The following CELF1 variants were observed in gnomAD, a reference collection of about 807,000 sequenced individuals.
CELF1 encodes CUGBP Elav-like family member 1.
Under a neutral mutation model 61.8 loss-of-function variants are expected in CELF1, and 10 were observed. The observed-to-expected ratio is 0.16, with a 90% CI of 0.10 to 0.27. CELF1 has a LOEUF of 0.27. Among genes scored for constraint, CELF1 ranks in the 10% least tolerant of loss-of-function variants. The pLI is 1.00. For synonymous variants in CELF1, 236 were observed against 225.1 expected (o/e 1.05, Z -0.43); for missense variants, 380 against 639.1 (o/e 0.59, Z 4.37).
chr11:47,564,171 C>CAAAAAAAAAAAAAAAA (rs779009192), intron 2 of CELF1, among the ~76,000 whole-genome samples: 1 of 62,944 alleles, frequency 1.6e-5, no homozygotes, highest in Admixed American at 2.0e-4. Context: ...ACTAAAAATA[C>CAAAAAAAAAAAAAAAA]AAAAAAAAAA....
intron 1 of CELF1, among the ~76,000 whole-genome samples, chr11:47,551,776 G>C (rs1049339973): frequency 1.3e-5 from 2 of 152,218 alleles, no homozygotes; most frequent in African/African-American, 4.8e-5. Context: ...CACTCTGGGA[G>C]GTCGAGGCGG....
At chr11:47,554,164 A>G (rs2097195329), upstream of CELF1, among the ~76,000 whole-genome samples, 1 of 152,236 alleles carries the variant, frequency 6.6e-6, no homozygotes, top group East Asian at 1.9e-4. Context: ...CAGAAGCCTC[A>G]AGGGTTTTCC....
At chr11:47,549,841 G>C (rs2097092415) in intron 1 of CELF1, among the ~76,000 whole-genome samples, 1 of 149,026 alleles carries the variant, frequency 6.7e-6, no homozygotes, top group Non-Finnish European at 1.5e-5. Flanking sequence ...TTCTGAGACA[G>C]AGTCTTGCCT....
chr11:47,490,930 C>T (rs1262656005), intron 3 of CELF1, among the ~76,000 whole-genome samples: 6 of 150,960 alleles, frequency 4.0e-5, no homozygotes, highest in Admixed American at 1.3e-4. Context: ...GGTGCCATCT[C>T]GGCTCACTGC....
intron 1 of CELF1, among the ~76,000 whole-genome samples, chr11:47,533,898 T>C (rs918592460): frequency 1.3e-5 from 2 of 151,772 alleles, no homozygotes; most frequent in Admixed American, 6.6e-5. Flanking sequence ...ACTCTTAGTT[T>C]TTCCCCTCCC....
intron 1 of CELF1, among the ~76,000 whole-genome samples, chr11:47,548,637 G>A (rs1462610603): frequency 6.6e-6 from 1 of 152,102 alleles, no homozygotes; most frequent in Non-Finnish European, 1.5e-5. Flanking sequence ...AGGTCGAGGC[G>A]GGCGGATCAC....
intron 1 of CELF1, among the ~76,000 whole-genome samples, chr11:47,535,802 GC>G (rs2096615660): frequency 6.6e-6 from 1 of 150,534 alleles, no homozygotes; most frequent in African/African-American, 2.5e-5. Context: ...TTGCTCTGTC[GC>G]CCAGGCTGAA....
chr11:47,497,721 C>T (rs1445470128), intron 3 of CELF1, among the ~76,000 whole-genome samples: 1 of 152,166 alleles, frequency 6.6e-6, no homozygotes, highest in Admixed American at 6.5e-5. Flanking sequence ...ACATGCTGGA[C>T]ACTTGTTTCT....
At chr11:47,493,646 T>C (rs2092416256) in intron 3 of CELF1, among the ~76,000 whole-genome samples, 1 of 152,024 alleles carries the variant, frequency 6.6e-6, no homozygotes, top group African/African-American at 2.4e-5. Flanking sequence ...TTGTTCAGTC[T>C]AGTAATAATA....
chr11:47,561,370 G>A (rs1397261611), intron 2 of CELF1, among the ~76,000 whole-genome samples: 4 of 145,770 alleles, frequency 2.7e-5, no homozygotes, highest in Non-Finnish European at 4.5e-5. Context: ...ATGAACCCAG[G>A]AGGCGGAGCT....
chr11:47,480,851 A>G (rs1213498742), intron 9 of CELF1, among the ~76,000 whole-genome samples: 3 of 152,230 alleles, frequency 2.0e-5, no homozygotes, highest in Admixed American at 6.5e-5. Context: ...CCTGGCTCAC[A>G]TAAGCAAAAC....
At chr11:47,504,257 GA>G (rs1473681706) in intron 1 of CELF1, among the ~76,000 whole-genome samples, 1 of 151,988 alleles carries the variant, frequency 6.6e-6, no homozygotes, top group Non-Finnish European at 1.5e-5. Flanking sequence ...AATGGTGGGG[GA>G]GGGGGGTTAA....
At chr11:47,515,216 C>A (rs1455458857) in intron 1 of CELF1, among the ~76,000 whole-genome samples, 1 of 152,192 alleles carries the variant, frequency 6.6e-6, no homozygotes, top group African/African-American at 2.4e-5. Flanking sequence ...CTGGTGGCTT[C>A]TACCTTCAAA....
chr11:47,475,463 G>A lies in CELF1; in HGVS notation c.1146C>T (p.Ser382=), dbSNP rs1039990907. The A allele has an allele frequency of 6.2e-7, 1 of 1,614,068 alleles. No individual in the cohort carries two copies. Among genetic ancestry groups the A allele is most frequent in the African/African-American group, 1.3e-5 (1 of 75,050 alleles). ...AGGCCTGAGTGAGGGCCTCCATGGT[G>A]CTCCCGGTGCCATTGGAAAGGCCAC... ...GSSGLSNGTG[S]TMEALTQAYS... Residue 382 remains serine (S), a synonymous_variant, in exon 13 of 15, where the codon AGC becomes AGT. Coordinates refer to ENST00000687097, the MANE Select transcript of CELF1 (RefSeq NM_001376376.1).
chr11:47,560,727 A>G (rs1257864978), intron 2 of CELF1, among the ~76,000 whole-genome samples: 1 of 152,242 alleles, frequency 6.6e-6, no homozygotes, highest in Non-Finnish European at 1.5e-5. Flanking sequence ...AGGCATATGC[A>G]TTATACCTCA....
intron 1 of CELF1, among the ~76,000 whole-genome samples, chr11:47,511,784 T>G (rs1014856181): frequency 6.6e-6 from 1 of 152,150 alleles, no homozygotes; most frequent in Non-Finnish European, 1.5e-5. Context: ...TTAAAAATTG[T>G]CTCCAAGGAA....
chr11:47,536,013 C>G (rs9734113), intron 1 of CELF1, among the ~76,000 whole-genome samples: 152,201 of 152,202 alleles, frequency 1, 76,100 homozygotes, highest in Non-Finnish European at 1. Flanking sequence ...CCGCCCGCCT[C>G]AGCCTCCCAA....
chr11:47,528,816 AG>A (rs1427324953), intron 1 of CELF1, among the ~76,000 whole-genome samples: 1 of 151,594 alleles, frequency 6.6e-6, no homozygotes, highest in Non-Finnish European at 1.5e-5. Context: ...TTTTGATTCC[AG>A]GAGTTCAAGG....
intron 3 of CELF1, among the ~76,000 whole-genome samples, chr11:47,490,425 G>GTT (rs373523637): frequency 6.8e-4 from 89 of 130,038 alleles, no homozygotes; most frequent in South Asian, 2.4e-3. Context: ...CAACATGCTA[G>GTT]TTTTTTTTTT....
Sources: allele counts gnomAD v4.1 joint callset (sites outside exome capture counted in the v4.1 genomes callset), GRCh38; gene constraint gnomAD v4.1.1; transcripts MANE v1.5; gene names NCBI Gene and HGNC (gene_info 2026-07-23, HGNC 2026-07-21).